The following FKBP15 variants were observed in gnomAD, a reference collection of about 807,000 sequenced individuals.
The protein encoded by FKBP15 is FK506-binding protein 15.
Under a neutral mutation model 158.1 loss-of-function variants are expected in FKBP15, and 106 were observed. The ratio of observed to expected loss-of-function variants is 0.67; its 90% CI spans 0.57 to 0.79. The LOEUF (loss-of-function observed/expected upper bound fraction) is 0.79, where lower values mean the gene tolerates loss of function less well. FKBP15 is among the 30% of genes least tolerant of loss of function. The pLI is 0.00. For missense variants in FKBP15, 1,287 were observed against 1,479.1 expected (o/e 0.87, Z 2.13); for synonymous variants, 547 against 548.6 (o/e 1.00, Z 0.04).
intron 19 of FKBP15, among the ~76,000 whole-genome samples, chr9:113,179,782 T>A (rs1009662410): frequency 1.3e-5 from 2 of 151,852 alleles, no homozygotes; most frequent in Non-Finnish European, 2.9e-5. Flanking sequence ...GCTTTCACTT[T>A]AAAAAATAAA....
intron 2 of FKBP15, among the ~76,000 whole-genome samples, 199 bp from the exon 3 acceptor site, chr9:113,207,495 A>G (rs1439983316): frequency 6.6e-6 from 1 of 151,548 alleles, no homozygotes; most frequent in Admixed American, 6.6e-5. Flanking sequence ...GCGTGCCACC[A>G]CATCCGGCTA....
chr9:113,169,518 G>A lies in FKBP15; in HGVS notation c.3191C>T (p.Ala1064Val), dbSNP rs1830165435. The change falls in exon 26 of 28, where the codon GCC (alanine) becomes GTC (valine). Residue 1064 changes from alanine to valine, a missense_variant. Coordinates refer to ENST00000238256, the MANE Select transcript of FKBP15 (RefSeq NM_015258.2). ...MDSECEESLA[A>V]SPMAAKPDNP... ...GTCGGGCTTAGCTGCCATTGGGCTG[G>A]CAGCAAGTGACTCCTCACACTCAGA... 1 of 1,614,066 alleles carries A rather than the reference G, an allele frequency of 6.2e-7. No individual in the cohort carries two copies. The highest frequency in any genetic ancestry group is 1.1e-5 in the South Asian group (1 of 91,090).
rs186379067 is a variant in FKBP15 at position 113,211,671 on chromosome 9, A to G, written c.54-79T>C. 156 of 978,978 alleles carry G rather than the reference A, an allele frequency of 1.6e-4. 1 individual carries two copies. The African/African-American group carries it at 2.2e-3, about 14-fold the overall frequency. The allele number at this position is 978,978 out of a possible 1,614,324, so 60.6% of individuals were successfully genotyped here. Reference sequence around the variant, plus strand: ...TTATTATAAAAGCTGCTCATCTCCAACCTTGAACAAATACCTCCTTGACTA... The same window carrying G: ...TTATTATAAAAGCTGCTCATCTCCAGCCTTGAACAAATACCTCCTTGACTA... On this transcript the variant is annotated intron_variant, in intron 1 of 27. Transcript: ENST00000238256.
Position 113,184,548 on chromosome 9 carries a change from A to G in FKBP15, c.1608+147T>C, listed in dbSNP as rs370407397. On this transcript the variant is annotated intron_variant, in intron 16 of 27. Transcript: ENST00000238256. This position sits in a 1 kb window ranked among gnomAD's most constrained non-coding sequence, Gnocchi z 4.5. Reference sequence around the variant, plus strand: ...GTTAGAGTTTTCTCCTACTAACTGGATCCCAACATAATTATAACTATCCTT... The same window carrying G: ...GTTAGAGTTTTCTCCTACTAACTGGGTCCCAACATAATTATAACTATCCTT... 3 of 905,660 alleles carry G rather than the reference A, an allele frequency of 3.3e-6. No individual in the cohort carries two copies. Among genetic ancestry groups the G allele is most frequent in the East Asian group, 2.6e-5 (1 of 37,848 alleles). 56.1% of individuals were successfully genotyped at this position (905,660 alleles called of 1,614,324 possible).
At position 113,163,758 on chromosome 9, in the gene FKBP15, C is replaced by T. The variant is rs896814816; in HGVS notation, c.*2320G>A. ...GGGTGTCTGGGAAGCTCTTCGTGGC[C>T]TCAATGCCCTCCTTTATCCTCATCT... is the stretch of plus-strand genomic sequence containing the variant. On this transcript the variant is annotated 3_prime_UTR_variant, in exon 28 of 28. Coordinates refer to ENST00000238256, the MANE Select transcript of FKBP15 (RefSeq NM_015258.2). The T allele has an allele frequency of 6.6e-6, 1 of 152,564 alleles. No individual in the cohort carries two copies. Among genetic ancestry groups the T allele is most frequent in the Non-Finnish European group, 1.5e-5 (1 of 68,048 alleles). 9.5% of individuals were successfully genotyped at this position (152,564 alleles called of 1,614,324 possible).
At chr9:113,181,822 G>T (rs554521743) in intron 19 of FKBP15, among the ~76,000 whole-genome samples, 19 of 152,298 alleles carry the variant, frequency 1.2e-4, no homozygotes, top group Non-Finnish European at 2.1e-4. Flanking sequence ...CATTTAGTGG[G>T]TGGGGAGTGG....
intron 19 of FKBP15, among the ~76,000 whole-genome samples, chr9:113,179,414 A>T (rs528141915): frequency 6.6e-6 from 1 of 152,266 alleles, no homozygotes; most frequent in East Asian, 1.9e-4. Flanking sequence ...CTGTAATCCC[A>T]CCACTTTGGG....
intron 19 of FKBP15, among the ~76,000 whole-genome samples, chr9:113,179,941 T>C (rs1407993222): frequency 2.6e-5 from 4 of 152,190 alleles, no homozygotes; most frequent in African/African-American, 7.2e-5. Flanking sequence ...GTTCCAGATA[T>C]AGGAGTGGCT....
intron 3 of FKBP15, 66 bp downstream of exon 3, chr9:113,207,146 G>T: frequency 8.0e-7 from 1 of 1,257,818 alleles, no homozygotes; most frequent in Non-Finnish European, 1.1e-6. Context: ...GGTTTTTCGA[G>T]AAAAAGTAGC....
At chr9:113,208,980 C>A (rs1409600330) in intron 2 of FKBP15, among the ~76,000 whole-genome samples, 1 of 141,032 alleles carries the variant, frequency 7.1e-6, no homozygotes, top group Non-Finnish European at 1.5e-5. Flanking sequence ...GCACTCCAGC[C>A]TGGGTGACAG....
chr9:113,166,180 A>G (rs1250467487), intron 27 of FKBP15, 25 bp from the exon 28 acceptor site: 1 of 1,598,320 alleles, frequency 6.3e-7, no homozygotes, highest in Admixed American at 1.7e-5. Context: ...AAGAGCAGTC[A>G]GTCCTCACTT....
At position 113,202,645 on chromosome 9, in the gene FKBP15, A is replaced by G; in HGVS notation, c.400-16T>C. 6.5e-7 allele frequency: 1 copy of G among 1,538,866 alleles called. No homozygotes were observed. Among genetic ancestry groups the G allele is most frequent in the Non-Finnish European group, 8.8e-7 (1 of 1,133,470 alleles). On this transcript the variant is annotated splice_polypyrimidine_tract_variant and intron_variant, in intron 5 of 27. Coordinates refer to ENST00000238256, the MANE Select transcript of FKBP15 (RefSeq NM_015258.2). ...TGGGCCGAACCTGGAGAAAGGAGAAATGTTAAATTCATCCACAAGCAGTAT... is the reference window on the plus strand; with the variant it reads ...TGGGCCGAACCTGGAGAAAGGAGAAGTGTTAAATTCATCCACAAGCAGTAT...
intron 19 of FKBP15, 42 bp downstream of exon 19, chr9:113,182,724 T>A (rs1830420271): frequency 6.6e-7 from 1 of 1,519,474 alleles, no homozygotes; most frequent in African/African-American, 1.4e-5. Flanking sequence ...TCCTTAGCTC[T>A]ACCCATCCTG....
At chr9:113,190,410 TGAAAA>T in intron 12 of FKBP15, 56 bp downstream of exon 12, 1 of 1,351,840 alleles carries the variant, frequency 7.4e-7, no homozygotes, top group Non-Finnish European at 1.0e-6. Context: ...TCCAACCAAA[TGAAAA>T]GAAAGATGAT....
rs1312027376 is a variant in FKBP15 at position 113,206,469 on chromosome 9, G to C, written c.324+40C>G. 2.6e-6 allele frequency: 4 copies of C among 1,522,572 alleles called. No individual in the cohort carries two copies. The East Asian group carries it at 9.0e-5, about 34-fold the overall frequency. The allele number at this position is 1,522,572 out of a possible 1,614,324, so 94.3% of individuals were successfully genotyped here. A position where few individuals can be genotyped will look rare whatever the true frequency, so the allele number is the denominator to read the frequency against. On this transcript the variant is annotated intron_variant, in intron 4 of 27. Transcript: ENST00000238256. ...AAAAGCCAGCTCATTGGTATTATTT[G>C]GGACATCTGAATATACATGAGATGT... is the stretch of plus-strand genomic sequence containing the variant.
rs1272062525 is a variant in FKBP15, at chr9:113,202,588, T to C, written c.441A>G (p.Arg147=). ...ACTCAAACATGATGGACCAGTTCTG[T>C]CTCTGGTCATCATAAAAGGTGCTAT... is the stretch of plus-strand genomic sequence containing the variant. ...NNYSTFYDDQ[R]QNWSIMFESE... The change falls in exon 6 of 28, where the codon AGA becomes AGG. Residue 147 remains arginine, a synonymous_variant. Transcript: ENST00000238256. 1 of 1,581,490 alleles carries C rather than the reference T, an allele frequency of 6.3e-7. No homozygotes were observed.
At chr9:113,216,061 T>C (rs1424908931) in intron 1 of FKBP15, among the ~76,000 whole-genome samples, 1 of 130,556 alleles carries the variant, frequency 7.7e-6, no homozygotes, top group Admixed American at 8.4e-5. Context: ...CAACACGGGG[T>C]TGGACACAAC....
rs10465129 is a variant in FKBP15, at chr9:113,187,876, G to A, written c.1300C>T (p.Leu434Phe). 0.072 allele frequency: 115,606 copies of A among 1,612,870 alleles called. 6,151 individuals carry two copies. Among genetic ancestry groups the A allele is most frequent in the East Asian group, 0.24 (10,589 of 44,840 alleles). The change falls in exon 14 of 28, where the codon CTC becomes TTC. Residue 434 changes from leucine (L) to phenylalanine (F), a missense_variant. Physicochemically the swap from Leu to Phe is conservative, Grantham distance 22. Coordinates refer to ENST00000238256, the MANE Select transcript of FKBP15 (RefSeq NM_015258.2). ...ATTAAGGCAGCAGAAGGTGCCTGGA[G>A]CCCAGTAACAGATGGCTGAGGTGCT... ...SQAPQPSVTG[L>F]QAPSAALMQV...
intron 1 of FKBP15, among the ~76,000 whole-genome samples, chr9:113,211,856 A>G (rs1831012905): frequency 6.6e-6 from 1 of 152,104 alleles, no homozygotes; most frequent in Admixed American, 6.5e-5. Context: ...TATCCCCAGG[A>G]CCTTGGTCAA....
Sources: allele counts gnomAD v4.1 joint callset (sites outside exome capture counted in the v4.1 genomes callset), GRCh38; gene constraint gnomAD v4.1.1; non-coding constraint Gnocchi (gnomAD v3.1); transcripts MANE v1.5; gene names NCBI Gene and HGNC (gene_info 2026-07-23, HGNC 2026-07-21).